Variants in ZNF493 observed in about 807,000 individuals in gnomAD.
ZNF493 encodes the protein zinc finger protein 493.
ZNF493 carries 11 observed loss-of-function variants against 12.2 expected under a neutral mutation model. The observed-to-expected ratio is 0.90, with a 90% CI of 0.57 to 1.50. ZNF493 has a LOEUF of 1.50. Among genes scored for constraint, ZNF493 ranks in the 40% most tolerant of loss-of-function variants. The pLI is 0.00. For synonymous variants in ZNF493, 286 were observed against 302.6 expected, an observed-to-expected ratio of 0.95 and a Z score of 0.57; for missense variants, 950 against 906.6, an observed-to-expected ratio of 1.05 and a Z score of -0.61.
At chr19:21,421,143 G>C (rs1327287441) in intron 3 of ZNF493, among the ~76,000 whole-genome samples, 1 of 152,028 alleles carries the variant, frequency 6.6e-6, no homozygotes, top group Non-Finnish European at 1.5e-5. Context: ...ATCTTTGCTT[G>C]TATCCTAGTT....
Position 21,425,695 on chromosome 19 carries a change from G to T in ZNF493, c.*711G>T. On this transcript the variant is annotated 3_prime_UTR_variant, in exon 4 of 4. Coordinates refer to ENST00000392288, the MANE Select transcript of ZNF493 (RefSeq NM_001076678.3). ...CATGCTGGAGAGAAACCCTACAAATGTGAAAAATGTGGCAAAGCTTTTAAC... is the reference window on the plus strand; with the variant it reads ...CATGCTGGAGAGAAACCCTACAAATTTGAAAAATGTGGCAAAGCTTTTAAC... 1.4e-6 allele frequency: 1 copy of T among 738,990 alleles called. No homozygotes were observed. The highest frequency in any genetic ancestry group is 1.3e-5 in the South Asian group (1 of 75,020). 45.8% of individuals were successfully genotyped at this position (738,990 alleles called of 1,614,324 possible). A position where few individuals can be genotyped will look rare whatever the true frequency, so the allele number is the denominator to read the frequency against.
chr19:21,424,715 A>T lies in ZNF493; in HGVS notation c.2056A>T (p.Lys686Ter), dbSNP rs200019691. The stretch of plus-strand genomic sequence containing the variant: ...AATTCATACTGAAGAGAAACCCTAC[A>T]AATGTGAAAAATGTGGCAAAACTTT... ...KIIHTEEKPY[K>*]CEKCGKTFYR... is the part of the protein sequence containing the mutation. The change falls in exon 4 of 4, where the codon AAA (lysine) becomes TAA (stop). Residue 686 changes from lysine to a stop codon, truncating the protein, a stop_gained. Coordinates refer to ENST00000392288, the MANE Select transcript of ZNF493 (RefSeq NM_001076678.3). LOFTEE classifies it low-confidence loss of function (END_TRUNC). The T allele has an allele frequency of 6.8e-6, 11 of 1,613,462 alleles. No homozygotes were observed. Among genetic ancestry groups the T allele is most frequent in the Non-Finnish European group, 9.3e-6 (11 of 1,179,676 alleles).
chr19:21,397,269 T>C lies in ZNF493; in HGVS notation c.30+2T>C, dbSNP rs1268451855. The stretch of plus-strand genomic sequence containing the variant: ...GGACCCCCTGAAAGCCTAGACATGG[T>C]GAGAGTGCTGGGTCCGACATCACGA... On this transcript the variant is annotated splice_donor_variant, in intron 1 of 3. Coordinates refer to ENST00000392288, the MANE Select transcript of ZNF493 (RefSeq NM_001076678.3). LOFTEE classifies it high-confidence loss of function. The C allele has an allele frequency of 2.5e-6, 4 of 1,614,064 alleles. No individual in the cohort carries two copies. The highest frequency in any genetic ancestry group is 3.4e-6 in the Non-Finnish European group (4 of 1,179,990).
At chr19:21,411,767 AT>A (rs71260156) in intron 3 of ZNF493, among the ~76,000 whole-genome samples, 151 of 144,824 alleles carry the variant, frequency 1.0e-3, no homozygotes, top group African/African-American at 3.1e-3. Flanking sequence ...TGCTATTGTA[AT>A]TTTTTTTTTT....
intron 3 of ZNF493, chr19:21,408,745 T>A: frequency 1.0e-6 from 1 of 985,066 alleles, no homozygotes; most frequent in Non-Finnish European, 1.2e-6. Context: ...ATTCTGTCTG[T>A]ATACTTTATG....
At chr19:21,410,916 C>G (rs2030305269) in intron 3 of ZNF493, among the ~76,000 whole-genome samples, 2 of 152,110 alleles carry the variant, frequency 1.3e-5, no homozygotes, top group South Asian at 2.1e-4. Context: ...CCTCAGCCTC[C>G]CAAGTAGCTG....
chr19:21,422,002 T>C (rs147732876), intron 3 of ZNF493, among the ~76,000 whole-genome samples: 2 of 152,288 alleles, frequency 1.3e-5, no homozygotes, highest in Non-Finnish European at 2.9e-5. Flanking sequence ...AGTGCCACCA[T>C]GCCCAGCTAA....
At chr19:21,405,329 T>C (rs1454611512) in intron 2 of ZNF493, 74 bp downstream of exon 2, 2 of 1,552,874 alleles carry the variant, frequency 1.3e-6, no homozygotes, top group African/African-American at 2.8e-5. Flanking sequence ...AGAATAATTT[T>C]TGGTAATTTA....
chr19:21,413,359 T>C (rs1033574191), intron 3 of ZNF493: 15 of 405,102 alleles, frequency 3.7e-5, no homozygotes, highest in African/African-American at 3.1e-4. Context: ...AGTATAATTG[T>C]TCTCTGTGTC....
chr19:21,416,720 A>G (rs549167125), intron 3 of ZNF493, among the ~76,000 whole-genome samples: 10 of 152,246 alleles, frequency 6.6e-5, no homozygotes, highest in Admixed American at 2.6e-4. Context: ...ATTCCCACTT[A>G]TGGCACAATC....
At chr19:21,410,372 G>A (rs933440989) in intron 3 of ZNF493, among the ~76,000 whole-genome samples, 2 of 151,852 alleles carry the variant, frequency 1.3e-5, no homozygotes, top group African/African-American at 4.8e-5. Context: ...AACATATTTG[G>A]TGTGCTTAAA....
In ZNF493 at chr19:21,423,600, T is replaced by C; in HGVS notation, c.941T>C (p.Ile314Thr). ...QSSTLTGHKI[I>T]HNGEKPYKCE... The stretch of plus-strand genomic sequence containing the variant: ...TCAACCCTTACTGGACATAAGATAA[T>C]TCATAATGGAGAAAAACCCTATAAA... Residue 314 changes from isoleucine to threonine, a missense_variant, in exon 4 of 4, where the codon ATT becomes ACT. Ile to Thr is a moderately conservative substitution (Grantham distance 89). Transcript: ENST00000392288. The C allele has an allele frequency of 6.2e-7, 1 of 1,609,566 alleles. No homozygotes were observed. Among genetic ancestry groups the C allele is most frequent in the Non-Finnish European group, 8.5e-7 (1 of 1,179,366 alleles).
At chr19:21,420,105 CTG>C (rs78091974) in intron 3 of ZNF493, among the ~76,000 whole-genome samples, 21,401 of 152,122 alleles carry the variant, frequency 0.14, 1,965 homozygotes, top group Non-Finnish European at 0.21. Flanking sequence ...ACCCCAGACA[CTG>C]AATCTGTAGC....
Position 21,422,991 on chromosome 19 carries a change from A to C in ZNF493, c.332A>C (p.Glu111Ala), listed in dbSNP as rs1273017493. Residue 111 changes from glutamate (E) to alanine (A), a missense_variant, in exon 4 of 4, where the codon GAA (glutamate) becomes GCA (alanine). Physicochemically the swap from Glu to Ala is moderately radical, Grantham distance 107 (BLOSUM62 -1). Transcript: ENST00000392288. ...TCTTTTCAAAAAGTGATACTGAGAG[A>C]ATATGTAAAATGTGGACATAAGGAT... ...KDSFQKVILREYVKCGHKDLQ... is the reference protein window; with the variant it reads ...KDSFQKVILRAYVKCGHKDLQ... 6.2e-7 allele frequency: 1 copy of C among 1,609,358 alleles called. No homozygotes were observed. The highest frequency in any genetic ancestry group is 8.5e-7 in the Non-Finnish European group (1 of 1,178,484).
At chr19:21,416,718 T>G (rs2262896) in intron 3 of ZNF493, among the ~76,000 whole-genome samples, 12 of 152,138 alleles carry the variant, frequency 7.9e-5, no homozygotes, top group African/African-American at 2.6e-4. Flanking sequence ...CCATTCCCAC[T>G]TATGGCACAA....
rs940711589 is a variant in ZNF493, at chr19:21,408,477, A to G, written c.253+2621A>G. The G allele has an allele frequency of 4.1e-6, 4 of 984,320 alleles. No individual in the cohort carries two copies. In the African/African-American group the frequency reaches 7.0e-5, roughly 17 times the overall value. The allele number at this position is 984,320 out of a possible 1,614,324, so 61.0% of individuals were successfully genotyped here. On this transcript the variant is annotated intron_variant, in intron 3 of 3. Coordinates refer to ENST00000392288, the MANE Select transcript of ZNF493 (RefSeq NM_001076678.3). ...TAAAAGTTTCTCATCAGAATATTTT[A>G]TTTATAATTATACTGCATATTCTCT...
intron 3 of ZNF493, among the ~76,000 whole-genome samples, chr19:21,406,965 T>G (rs532471881): frequency 5.3e-5 from 8 of 152,214 alleles, no homozygotes; most frequent in African/African-American, 1.9e-4. Flanking sequence ...CCTAATTCCT[T>G]TTATTGATTT....
Position 21,423,219 on chromosome 19 carries a change from G to A in ZNF493, c.560G>A (p.Cys187Tyr), listed in dbSNP as rs143864937. 1.9e-6 allele frequency: 3 copies of A among 1,613,680 alleles called. No individual in the cohort carries two copies. In the African/African-American group the frequency reaches 4.0e-5, roughly 22 times the overall value. ...TGKKPFKCKKCGKSFCMLLHL... is the reference protein window; with the variant it reads ...TGKKPFKCKKYGKSFCMLLHL... ...AAGAAACCTTTCAAATGTAAAAAAT[G>A]TGGCAAATCATTTTGCATGCTTTTA... The change falls in exon 4 of 4, where the codon TGT (cysteine) becomes TAT (tyrosine). Residue 187 changes from cysteine (C) to tyrosine (Y), a missense_variant. Transcript: ENST00000392288.
In ZNF493 at chr19:21,424,141, T is replaced by C. The variant is rs971376218; in HGVS notation, c.1482T>C (p.Cys494=). The change falls in exon 4 of 4, where the codon TGT becomes TGC. Residue 494 remains cysteine, a synonymous_variant. Transcript: ENST00000392288. The part of the protein sequence containing the change: ...TEEKPYKCEE[C]GKAFNQSSTL... Reference sequence around the variant, plus strand: ...AGAAACCCTACAAATGTGAAGAATGTGGCAAAGCTTTTAACCAATCTTCAA... The same window carrying C: ...AGAAACCCTACAAATGTGAAGAATGCGGCAAAGCTTTTAACCAATCTTCAA... 1.2e-6 allele frequency: 2 copies of C among 1,613,662 alleles called. No individual in the cohort carries two copies. Among genetic ancestry groups the C allele is most frequent in the Admixed American group, 1.7e-5 (1 of 59,962 alleles).
Sources: gnomAD v4.1 joint callset for allele counts (sites outside exome capture counted in the v4.1 genomes callset) on GRCh38, gnomAD v4.1.1 for gene constraint, MANE v1.5 for transcripts, NCBI Gene and HGNC (gene_info 2026-07-23, HGNC 2026-07-21) for gene names.